Variants in SH3KBP1 observed in about 807,000 individuals in gnomAD.
The protein encoded by SH3KBP1 is SH3 domain containing kinase binding protein 1, also known as SH3 domain-containing kinase-binding protein 1.
Under a neutral mutation model 50.1 loss-of-function variants are expected in SH3KBP1, and 8 were observed. The ratio of observed to expected loss-of-function variants is 0.16; its 90% CI spans 0.09 to 0.29. SH3KBP1 has a LOEUF of 0.29. Among genes scored for constraint, SH3KBP1 ranks in the 10% least tolerant of loss-of-function variants. The pLI is 1.00. For missense variants in SH3KBP1, 377 were observed against 535.2 expected, an observed-to-expected ratio of 0.70 and a Z score of 2.92; for synonymous variants, 227 against 218.6, an observed-to-expected ratio of 1.04 and a Z score of -0.34.
chrX:19,571,892 G>A (rs2066020183), intron 12 of SH3KBP1, among the ~76,000 whole-genome samples: 2 of 109,898 alleles, frequency 1.8e-5, no homozygotes, highest in African/African-American at 3.3e-5. Context: ...GTGGGCAGCT[G>A]GGGTTAAGTC....
intron 3 of SH3KBP1, among the ~76,000 whole-genome samples, chrX:19,710,757 C>T (rs1344884025): frequency 9.0e-6 from 1 of 110,759 alleles, no homozygotes; most frequent in African/African-American, 3.3e-5. Context: ...TGAAATGTAG[C>T]ACCCACGGGT....
intron 13 of SH3KBP1, among the ~76,000 whole-genome samples, chrX:19,559,814 TG>T (rs1417824823): frequency 9.0e-6 from 1 of 111,496 alleles, no homozygotes; most frequent in Admixed American, 9.5e-5. Flanking sequence ...CCAACTGATT[TG>T]AAAATAGAAC....
chrX:19,671,069 T>C, intron 6 of SH3KBP1: 1 of 989,652 alleles, frequency 1.0e-6, no homozygotes. Flanking sequence ...ATGGCTTGGG[T>C]GGCTTCGAGA....
intron 9 of SH3KBP1, among the ~76,000 whole-genome samples, chrX:19,605,173 C>T (rs750336782): frequency 9.0e-6 from 1 of 110,555 alleles, no homozygotes; most frequent in Non-Finnish European, 1.9e-5. Flanking sequence ...CTGCCCCCCC[C>T]CAAGACATGA....
At chrX:19,636,994 G>C (rs6527942) in intron 7 of SH3KBP1, among the ~76,000 whole-genome samples, 31,161 of 111,559 alleles carry the variant, frequency 0.28, 4,792 homozygotes, top group African/African-American at 0.6. Flanking sequence ...CTAGTTTCAC[G>C]CACATCATAA....
At chrX:19,576,207 G>A (rs1257340320) in intron 12 of SH3KBP1, among the ~76,000 whole-genome samples, 2 of 111,440 alleles carry the variant, frequency 1.8e-5, no homozygotes, top group Non-Finnish European at 3.8e-5. Context: ...ACTTGGATAG[G>A]CAAGTACTGG....
At chrX:19,664,895 G>A (rs774918016) in intron 6 of SH3KBP1, among the ~76,000 whole-genome samples, 3 of 112,469 alleles carry the variant, frequency 2.7e-5, no homozygotes, top group Admixed American at 9.4e-5. Context: ...GATTAGACAC[G>A]TAAAATATAC....
intron 2 of SH3KBP1, among the ~76,000 whole-genome samples, chrX:19,798,612 T>C (rs1284035558): frequency 8.9e-6 from 1 of 111,764 alleles, no homozygotes; most frequent in East Asian, 2.8e-4. Context: ...CAGGACCTTG[T>C]TTTGGGAGGC....
intron 1 of SH3KBP1, among the ~76,000 whole-genome samples, chrX:19,838,980 T>G (rs776683357): frequency 9.1e-6 from 1 of 110,436 alleles, no homozygotes; most frequent in Admixed American, 9.6e-5. Flanking sequence ...GGGAGCTCTT[T>G]GCCCACCACA....
intron 1 of SH3KBP1, among the ~76,000 whole-genome samples, chrX:19,851,058 T>C (rs2147480676): frequency 9.0e-6 from 1 of 111,361 alleles, no homozygotes; most frequent in South Asian, 3.8e-4. Flanking sequence ...GGGTGGGTCA[T>C]GTCTAGGCTG....
At chrX:19,598,249 ATTTATT>A (rs2066969398) in intron 9 of SH3KBP1, among the ~76,000 whole-genome samples, 1 of 107,115 alleles carries the variant, frequency 9.3e-6, no homozygotes, top group African/African-American at 3.4e-5. Flanking sequence ...TTATTTATTT[ATTTATT>A]TATTTATTTA....
chrX:19,830,902 G>A (rs1029871467), intron 2 of SH3KBP1, among the ~76,000 whole-genome samples: 2 of 112,077 alleles, frequency 1.8e-5, no homozygotes, highest in African/African-American at 6.5e-5. Context: ...ATGTGGCCTA[G>A]CTGGGTACAT....
intron 2 of SH3KBP1, among the ~76,000 whole-genome samples, chrX:19,778,229 G>A (rs925684488): frequency 3.6e-5 from 4 of 109,959 alleles, no homozygotes; most frequent in African/African-American, 6.6e-5. Context: ...TCAGGAGTTC[G>A]AGACCAGCCT....
intron 6 of SH3KBP1, among the ~76,000 whole-genome samples, chrX:19,659,315 G>A (rs765682113): frequency 1.4e-4 from 15 of 109,439 alleles, no homozygotes; most frequent in Non-Finnish European, 2.1e-4. Flanking sequence ...GGGTTTCACC[G>A]TGTTGGTCAG....
chrX:19,816,452 T>G (rs936446358), intron 2 of SH3KBP1, among the ~76,000 whole-genome samples: 1 of 112,192 alleles, frequency 8.9e-6, no homozygotes, highest in Non-Finnish European at 1.9e-5. Flanking sequence ...CCTCCCAGTC[T>G]GTAACCTATC....
chrX:19,863,651 GGGGTCCCCAGCTGGGCT>G (rs1431886549), intron 1 of SH3KBP1, among the ~76,000 whole-genome samples: 1 of 111,476 alleles, frequency 9.0e-6, no homozygotes, highest in East Asian at 2.8e-4. Flanking sequence ...CTCCTGGGAC[GGGGTCCCCAGCTGGGCT>G]GCTGCTCTCT....
chrX:19,711,776 A>G (rs1213355908), intron 3 of SH3KBP1, among the ~76,000 whole-genome samples: 2 of 111,681 alleles, frequency 1.8e-5, no homozygotes, highest in Non-Finnish European at 3.8e-5. Flanking sequence ...GAAACCACTG[A>G]TAAAAAGCAA....
rs1199487567 is a variant in SH3KBP1, at chrX:19,695,007, G to A, written c.520+605C>T. ...TCCCGGTCCTGACCTTTTGCTCCGTGAGCTGGAAAGGGCAGCAGAGAAGCT... is the reference window on the plus strand; with the variant it reads ...TCCCGGTCCTGACCTTTTGCTCCGTAAGCTGGAAAGGGCAGCAGAGAAGCT... On this transcript the variant is annotated intron_variant, in intron 5 of 17. Coordinates refer to ENST00000397821, the MANE Select transcript of SH3KBP1 (RefSeq NM_031892.3). 11 of 1,199,252 alleles carry A rather than the reference G, an allele frequency of 9.2e-6. No individual in the cohort carries two copies. The South Asian group carries it at 2.0e-4, about 22-fold the overall frequency.
intron 4 of SH3KBP1, among the ~76,000 whole-genome samples, chrX:19,698,577 C>G (rs2063474769): frequency 8.9e-6 from 1 of 111,830 alleles, no homozygotes; most frequent in Admixed American, 9.5e-5. Context: ...GACACACTTC[C>G]CATCACAGGT....
Sources: gnomAD v4.1 joint callset for allele counts (sites outside exome capture counted in the v4.1 genomes callset) on GRCh38, gnomAD v4.1.1 for gene constraint, MANE v1.5 for transcripts, NCBI Gene and HGNC (gene_info 2026-07-23, HGNC 2026-07-21) for gene names.